ATG5: variants seen among roughly 807,000 people sequenced by gnomAD.
ATG5 encodes autophagy protein 5.
A neutral mutation model predicts 36.5 loss-of-function variants in ATG5; 14 were observed. The ratio of observed to expected loss-of-function variants is 0.38; its 90% CI spans 0.25 to 0.60. The LOEUF is 0.60. ATG5 is among the 20% of genes least tolerant of loss of function. The pLI is 0.60. For missense variants in ATG5, 195 were observed against 326.7 expected (o/e 0.60, Z 3.11); for synonymous variants, 95 against 101.5 (o/e 0.94, Z 0.38).
rs72252671 is a variant in ATG5 at position 106,246,392 on chromosome 6, T to TCACACACA, written c.573+1750_573+1757dup. Among the ~76,000 whole-genome samples the TCACACACA allele has an allele frequency of 2.9e-3, 371 of 129,614 alleles. 1 individual carries two copies. Among genetic ancestry groups the TCACACACA allele is most frequent in the African/African-American group, 0.01 (351 of 34,444 alleles). The allele number at this position is 129,614 out of a possible 152,430, so 85.0% of individuals were successfully genotyped here. On this transcript the variant is annotated intron_variant, in intron 6 of 7. Coordinates refer to ENST00000369076, the MANE Select transcript of ATG5 (RefSeq NM_004849.4). ...CTCTGTCTCTCTCTCTCTCTCTCTC[T>TCACACACA]CACACACACACACACACACACACAC...
intron 6 of ATG5, among the ~76,000 whole-genome samples, chr6:106,235,144 C>T (rs970672445): frequency 7.2e-5 from 11 of 152,146 alleles, no homozygotes; most frequent in African/African-American, 2.7e-4. Context: ...CCTGGATTCT[C>T]CCCTTCTTAG....
intron 6 of ATG5, among the ~76,000 whole-genome samples, chr6:106,211,035 T>C (rs1299009251): frequency 6.6e-6 from 1 of 152,224 alleles, no homozygotes; most frequent in Non-Finnish European, 1.5e-5. Flanking sequence ...TTTTGTTGTT[T>C]TGGTCATACA....
intron 4 of ATG5, among the ~76,000 whole-genome samples, chr6:106,281,145 GAATT>G (rs1458585521): frequency 6.6e-6 from 1 of 152,100 alleles, no homozygotes; most frequent in African/African-American, 2.4e-5. Flanking sequence ...TGGAAAGCAG[GAATT>G]AATTGAAAGT....
intron 6 of ATG5, among the ~76,000 whole-genome samples, chr6:106,221,900 A>AT (rs1016353790): frequency 4.9e-4 from 74 of 150,874 alleles, no homozygotes; most frequent in African/African-American, 6.8e-4. Flanking sequence ...TCTTATTATT[A>AT]TTTTTTTTTG....
chr6:106,229,211 T>C (rs1268983341), intron 6 of ATG5, among the ~76,000 whole-genome samples: 1 of 152,280 alleles, frequency 6.6e-6, no homozygotes, highest in Non-Finnish European at 1.5e-5. Flanking sequence ...GGAAGCTCTA[T>C]GCTGCGCCCT....
intron 6 of ATG5, among the ~76,000 whole-genome samples, chr6:106,224,729 A>C (rs1777383820): frequency 6.6e-6 from 1 of 152,138 alleles, no homozygotes. Context: ...TACTAATACA[A>C]AATTAGCCAG....
intron 6 of ATG5, among the ~76,000 whole-genome samples, chr6:106,247,430 G>A (rs1778383649): frequency 6.6e-6 from 1 of 152,144 alleles, no homozygotes; most frequent in South Asian, 2.1e-4. Context: ...AAAGACTTAA[G>A]AGCCTATTGC....
intron 5 of ATG5, among the ~76,000 whole-genome samples, chr6:106,256,809 G>C (rs1294966137): frequency 6.6e-6 from 1 of 152,170 alleles, no homozygotes; most frequent in Admixed American, 6.5e-5. Context: ...ATGAGTGAAT[G>C]TGAAGGCCTA....
chr6:106,191,313 T>C (rs1181521473), intron 7 of ATG5, among the ~76,000 whole-genome samples: 1 of 152,088 alleles, frequency 6.6e-6, no homozygotes, highest in Non-Finnish European at 1.5e-5. Context: ...ATGGCAGCTT[T>C]TGCTAATGTG....
chr6:106,217,885 GATA>G (rs1218526850), intron 6 of ATG5, among the ~76,000 whole-genome samples: 3 of 152,126 alleles, frequency 2.0e-5, no homozygotes, highest in Non-Finnish European at 4.4e-5. Flanking sequence ...TTCAGATTGA[GATA>G]ATAATAATAC....
chr6:106,207,876 G>A (rs879277822), intron 6 of ATG5, among the ~76,000 whole-genome samples: 8 of 152,102 alleles, frequency 5.3e-5, no homozygotes, highest in East Asian at 1.9e-4. Context: ...GGAGGATCAC[G>A]AGGTCGGGAG....
At chr6:106,188,937 C>A (rs1205182764) in intron 7 of ATG5, among the ~76,000 whole-genome samples, 1 of 152,166 alleles carries the variant, frequency 6.6e-6, no homozygotes, top group African/African-American at 2.4e-5. Context: ...GCCTCAATAA[C>A]ACAATTTTAA....
chr6:106,213,428 A>G (rs1776929126), intron 6 of ATG5, among the ~76,000 whole-genome samples: 3 of 152,228 alleles, frequency 2.0e-5, no homozygotes, highest in Admixed American at 2.0e-4. Flanking sequence ...AAATATGCTA[A>G]TTGTGGTAGA....
chr6:106,223,152 A>G (rs976666392), intron 6 of ATG5, among the ~76,000 whole-genome samples: 7 of 152,208 alleles, frequency 4.6e-5, no homozygotes, highest in Non-Finnish European at 1.0e-4. Flanking sequence ...TGAAGTTAAC[A>G]AATAAAGCAT....
intron 5 of ATG5, among the ~76,000 whole-genome samples, chr6:106,257,969 T>C (rs549968259): frequency 6.6e-6 from 1 of 152,266 alleles, no homozygotes; most frequent in East Asian, 1.9e-4. Flanking sequence ...CTGTAGAGAA[T>C]TAAAAAGCAA....
chr6:106,321,538 T>C (rs1343659549), intron 1 of ATG5, among the ~76,000 whole-genome samples: 3 of 152,092 alleles, frequency 2.0e-5, no homozygotes, highest in African/African-American at 7.2e-5. Context: ...TTTTGTATTT[T>C]TAGTAGAGAC....
At chr6:106,197,813 C>T (rs1776259200) in intron 7 of ATG5, among the ~76,000 whole-genome samples, 1 of 152,134 alleles carries the variant, frequency 6.6e-6, no homozygotes, top group East Asian at 1.9e-4. Context: ...AATTACCCAA[C>T]CTCAGGTGTT....
chr6:106,220,607 A>C (rs936253625), intron 6 of ATG5, among the ~76,000 whole-genome samples: 2 of 152,184 alleles, frequency 1.3e-5, no homozygotes, highest in African/African-American at 4.8e-5. Flanking sequence ...ATTAGCAAAT[A>C]GTTATTTTAA....
chr6:106,217,816 A>G (rs893839260), intron 6 of ATG5, among the ~76,000 whole-genome samples: 1 of 152,198 alleles, frequency 6.6e-6, no homozygotes, highest in Non-Finnish European at 1.5e-5. Context: ...TTGGAATACA[A>G]TATCTGAAGA....
Sources: gnomAD v4.1 joint callset for allele counts (sites outside exome capture counted in the v4.1 genomes callset) on GRCh38, gnomAD v4.1.1 for gene constraint, MANE v1.5 for transcripts, NCBI Gene and HGNC (gene_info 2026-07-23, HGNC 2026-07-21) for gene names.